The following PSMB2 variants were observed in gnomAD, a reference collection of about 807,000 sequenced individuals.
The protein encoded by PSMB2 is proteasome subunit beta type-2.
PSMB2 carries 13 observed loss-of-function variants against 25.7 expected under a neutral mutation model. The ratio of observed to expected loss-of-function variants is 0.51; its 90% CI spans 0.33 to 0.80. PSMB2 has a LOEUF of 0.80. Ranked by LOEUF, PSMB2 falls within the 30% of genes least tolerant of loss-of-function variation. The pLI is 0.02. For synonymous variants in PSMB2, 87 were observed against 96.2 expected (o/e 0.90, Z 0.56); for missense variants, 202 against 259.0 (o/e 0.78, Z 1.51).
chr1:35,611,589 C>A (rs575272634), intron 3 of PSMB2, among the ~76,000 whole-genome samples: 27 of 152,048 alleles, frequency 1.8e-4, no homozygotes, highest in Non-Finnish European at 3.4e-4. Context: ...TTTGGGAGGC[C>A]GAGGCGGGCA....
Position 35,600,490 on chromosome 1 carries a change from T to C in PSMB2, c.*2777A>G. 1 of 976,566 alleles carries C rather than the reference T, an allele frequency of 1.0e-6. No individual in the cohort carries two copies. Among genetic ancestry groups the C allele is most frequent in the Non-Finnish European group, 1.2e-6 (1 of 821,902 alleles). The allele number at this position is 976,566 out of a possible 1,614,324, so 60.5% of individuals were successfully genotyped here. ...TTTGCAACTTTTCTGTAAAACCAAA[T>C]TTATTCCAAAATAAAACATTTATTA... On this transcript the variant is annotated 3_prime_UTR_variant, in exon 6 of 6. Coordinates refer to ENST00000373237, the MANE Select transcript of PSMB2 (RefSeq NM_002794.5).
chr1:35,634,566 C>T (rs1651192923), intron 2 of PSMB2, among the ~76,000 whole-genome samples: 2 of 151,906 alleles, frequency 1.3e-5, no homozygotes, highest in Non-Finnish European at 2.9e-5. Context: ...TTTATAGAGC[C>T]AGGGTCTTGC....
rs1050222740 is a variant in PSMB2, at chr1:35,601,900, G to C, written c.*1367C>G. The C allele has an allele frequency of 1.0e-6, 1 of 985,412 alleles. No homozygotes were observed. The highest frequency in any genetic ancestry group is 1.2e-6 in the Non-Finnish European group (1 of 829,916). 61.0% of individuals were successfully genotyped at this position (985,412 alleles called of 1,614,324 possible). On this transcript the variant is annotated 3_prime_UTR_variant, in exon 6 of 6. Transcript: ENST00000373237. The stretch of plus-strand genomic sequence containing the variant: ...TAAAGTTATGCTAAGAGTAAAACGA[G>C]TAACTGGTTAACTGCCCATGATACA...
chr1:35,621,884 T>A (rs1650694915), intron 3 of PSMB2, among the ~76,000 whole-genome samples: 1 of 152,158 alleles, frequency 6.6e-6, no homozygotes, highest in Middle Eastern at 3.4e-3. Context: ...TAGGCCCAGC[T>A]ACTCGGGAGG....
chr1:35,614,261 C>T (rs953452204), intron 3 of PSMB2, among the ~76,000 whole-genome samples: 1 of 152,170 alleles, frequency 6.6e-6, no homozygotes, highest in Non-Finnish European at 1.5e-5. Context: ...ACTTTCTAGA[C>T]AGTTTTTCAT....
intron 2 of PSMB2, among the ~76,000 whole-genome samples, chr1:35,634,079 A>G (rs761412788): frequency 6.6e-6 from 1 of 152,188 alleles, no homozygotes; most frequent in South Asian, 2.1e-4. Flanking sequence ...TTCCCAGTGG[A>G]TAAGAGTTCA....
chr1:35,622,223 G>A (rs1650710241), intron 3 of PSMB2, among the ~76,000 whole-genome samples: 1 of 152,130 alleles, frequency 6.6e-6, no homozygotes, highest in South Asian at 2.1e-4. Context: ...ACATGATCTT[G>A]GGCCAGGGCA....
intron 3 of PSMB2, among the ~76,000 whole-genome samples, chr1:35,616,196 TC>T (rs1448251348): frequency 2.6e-5 from 4 of 152,202 alleles, no homozygotes; most frequent in African/African-American, 9.6e-5. Context: ...AATTCAGGCC[TC>T]CCAACTGCAA....
At chr1:35,629,650 A>G (rs1389313700) in intron 3 of PSMB2, among the ~76,000 whole-genome samples, 1 of 151,828 alleles carries the variant, frequency 6.6e-6, no homozygotes, top group African/African-American at 2.4e-5. Context: ...CTCCACTAAA[A>G]ATACAAAAAA....
intron 4 of PSMB2, among the ~76,000 whole-genome samples, chr1:35,607,394 TAC>T (rs1650199852): frequency 6.6e-6 from 1 of 152,082 alleles, no homozygotes; most frequent in African/African-American, 2.4e-5. Flanking sequence ...TCAAAAGACA[TAC>T]AAATGGCCAA....
At chr1:35,609,163 C>T (rs1254747247) in intron 4 of PSMB2, 83 bp downstream of exon 4, 2 of 1,327,834 alleles carry the variant, frequency 1.5e-6, no homozygotes, top group Non-Finnish European at 9.9e-7. Flanking sequence ...CCCTGGCCAC[C>T]CAACTCCAAG....
At chr1:35,635,828 CAAAAA>C (rs1163061850) in intron 2 of PSMB2, among the ~76,000 whole-genome samples, 17 of 34,244 alleles carry the variant, frequency 5.0e-4, no homozygotes, top group African/African-American at 1.4e-3. Context: ...GACTCCGTCT[CAAAAA>C]AAAAAAAAAA....
At chr1:35,605,306 A>T in intron 4 of PSMB2, 24 bp from the exon 5 acceptor site, 2 of 1,607,248 alleles carry the variant, frequency 1.2e-6, no homozygotes, top group Non-Finnish European at 8.5e-7. Context: ...CAGAGACCAA[A>T]TACTTCCGGT....
chr1:35,603,745 G>A (rs1245259766), intron 5 of PSMB2, among the ~76,000 whole-genome samples: 5 of 152,220 alleles, frequency 3.3e-5, no homozygotes. Flanking sequence ...AACAAAGAGT[G>A]ATTGTCCTCA....
intron 3 of PSMB2, among the ~76,000 whole-genome samples, chr1:35,609,923 C>T (rs918138526): frequency 6.6e-6 from 1 of 151,984 alleles, no homozygotes; most frequent in African/African-American, 2.4e-5. Context: ...ATACGATGAA[C>T]GCACAAAAAT....
Position 35,600,600 on chromosome 1 carries a change from G to A in PSMB2, c.*2667C>T, listed in dbSNP as rs536823740. The A allele has an allele frequency of 8.1e-6, 8 of 985,414 alleles. No individual in the cohort carries two copies. The highest frequency in any genetic ancestry group is 1.1e-4 in the East Asian group (1 of 8,818). 61.0% of individuals were successfully genotyped at this position (985,414 alleles called of 1,614,324 possible). ...CTCTAAGACAGAATGTCATAGAGGC[G>A]GTTTGGAGAGGGGCAGATGGTAAGG... is the stretch of plus-strand genomic sequence containing the variant. On this transcript the variant is annotated 3_prime_UTR_variant, in exon 6 of 6. Coordinates refer to ENST00000373237, the MANE Select transcript of PSMB2 (RefSeq NM_002794.5).
chr1:35,605,378 T>A, intron 4 of PSMB2, 96 bp from the exon 5 acceptor site: 1 of 1,218,410 alleles, frequency 8.2e-7, no homozygotes, highest in Non-Finnish European at 1.2e-6. Flanking sequence ...CTTCTTCAGG[T>A]CTCAGTGCCA....
intron 4 of PSMB2, among the ~76,000 whole-genome samples, chr1:35,605,632 G>A (rs1487190519): frequency 6.6e-6 from 1 of 152,220 alleles, no homozygotes; most frequent in Non-Finnish European, 1.5e-5. Context: ...TTAGTCCAGG[G>A]TTTGAATCAA....
At chr1:35,618,730 T>C (rs994771789) in intron 3 of PSMB2, among the ~76,000 whole-genome samples, 1 of 151,916 alleles carries the variant, frequency 6.6e-6, no homozygotes, top group African/African-American at 2.4e-5. Flanking sequence ...CCACTCAGAG[T>C]GGAGAAGGTA....
Sources: gnomAD v4.1 joint callset for allele counts (sites outside exome capture counted in the v4.1 genomes callset) on GRCh38, gnomAD v4.1.1 for gene constraint, MANE v1.5 for transcripts, NCBI Gene and HGNC (gene_info 2026-07-23, HGNC 2026-07-21) for gene names.